Variants in FUBP3 observed in about 807,000 individuals in gnomAD.
FUBP3 encodes the protein far upstream element-binding protein 3.
In FUBP3, 28 loss-of-function variants were observed where a neutral mutation model predicts 85.6. That is an observed-to-expected ratio of 0.33 (90% CI 0.24 to 0.45). FUBP3 has a LOEUF of 0.45. Among genes scored for constraint, FUBP3 ranks in the 20% least tolerant of loss-of-function variants. The pLI is 1.00. For missense variants in FUBP3, 583 were observed against 755.1 expected, an observed-to-expected ratio of 0.77 and a Z score of 2.67; for synonymous variants, 271 against 271.4, an observed-to-expected ratio of 1.00 and a Z score of 0.01.
chr9:130,609,202 G>A (rs1831614699), intron 2 of FUBP3, among the ~76,000 whole-genome samples: 1 of 152,164 alleles, frequency 6.6e-6, no homozygotes, highest in South Asian at 2.1e-4. Flanking sequence ...CTCATCAATA[G>A]CTGAAAGAGG....
chr9:130,613,856 C>T (rs1163391785), intron 5 of FUBP3, among the ~76,000 whole-genome samples: 1 of 152,244 alleles, frequency 6.6e-6, no homozygotes, highest in African/African-American at 2.4e-5. Flanking sequence ...GACATTCATG[C>T]AGTAACTGGT....
intron 2 of FUBP3, among the ~76,000 whole-genome samples, chr9:130,608,816 A>G (rs932695553): frequency 1.3e-5 from 2 of 152,118 alleles, no homozygotes; most frequent in African/African-American, 4.8e-5. Context: ...TTCTTTTTAA[A>G]TGTCACGGTC....
At chr9:130,599,318 TACACATATATAC>T (rs201263723) in intron 2 of FUBP3, among the ~76,000 whole-genome samples, 2,636 of 150,872 alleles carry the variant, frequency 0.017, 69 homozygotes, top group African/African-American at 0.061. Context: ...CATATATAGA[TACACATATATAC>T]ACACATATAT....
At chr9:130,627,159 C>T (rs1039993301) in intron 12 of FUBP3, among the ~76,000 whole-genome samples, 11 of 152,204 alleles carry the variant, frequency 7.2e-5, no homozygotes, top group African/African-American at 2.7e-4. Flanking sequence ...CAGCCATTGG[C>T]AGCAGTTCAT....
At chr9:130,619,165 A>G (rs1055091686) in intron 8 of FUBP3, among the ~76,000 whole-genome samples, 1 of 152,170 alleles carries the variant, frequency 6.6e-6, no homozygotes, top group African/African-American at 2.4e-5. Flanking sequence ...TTCTTTTTCT[A>G]TCACAGCCTT....
At chr9:130,597,162 C>T (rs1830913233) in intron 2 of FUBP3, among the ~76,000 whole-genome samples, 1 of 151,972 alleles carries the variant, frequency 6.6e-6, no homozygotes, top group Non-Finnish European at 1.5e-5. Context: ...TTTTGTCTTT[C>T]TCCGCCTGGC....
chr9:130,606,536 T>C (rs1453125317), intron 2 of FUBP3, among the ~76,000 whole-genome samples: 2 of 152,068 alleles, frequency 1.3e-5, no homozygotes, highest in Non-Finnish European at 1.5e-5. Flanking sequence ...TTAAAGCTGA[T>C]GTGGCCGGGC....
At chr9:130,608,731 T>C (rs1296068905) in intron 2 of FUBP3, among the ~76,000 whole-genome samples, 1 of 152,256 alleles carries the variant, frequency 6.6e-6, no homozygotes, top group Non-Finnish European at 1.5e-5. Context: ...ATCTTGTTAT[T>C]GATCCAGAAG....
In FUBP3 at chr9:130,600,442, G is replaced by A. The variant is rs542951667; in HGVS notation, c.190+4854G>A. Among the ~76,000 whole-genome samples, 27 of 152,246 alleles carry A rather than the reference G, an allele frequency of 1.8e-4. No individual in the cohort carries two copies. The South Asian group carries it at 5.6e-3, about 32-fold the overall frequency. Reference sequence around the variant, plus strand: ...TTCCAAATTTAAGACAATAGTATTAGCTAAGTGATTTAGAAGTGCGAATTT... The same window carrying A: ...TTCCAAATTTAAGACAATAGTATTAACTAAGTGATTTAGAAGTGCGAATTT... On this transcript the variant is annotated intron_variant, in intron 2 of 18. Coordinates refer to ENST00000319725, the MANE Select transcript of FUBP3 (RefSeq NM_003934.2).
intron 1 of FUBP3, among the ~76,000 whole-genome samples, chr9:130,588,981 C>T (rs540771354): frequency 1.3e-5 from 2 of 152,278 alleles, no homozygotes; most frequent in African/African-American, 4.8e-5. Flanking sequence ...GTCCCACACC[C>T]TCGATGCTGG....
intron 2 of FUBP3, among the ~76,000 whole-genome samples, chr9:130,596,200 G>A (rs1367868): frequency 0.49 from 73,912 of 151,980 alleles, 18,317 homozygotes; most frequent in East Asian, 0.67. Context: ...TATCAGATGT[G>A]TTTCTGTAGA....
At position 130,622,752 on chromosome 9, in the gene FUBP3, C is replaced by T. The variant is rs766123843; in HGVS notation, c.816C>T (p.Asn272=). ...CTGTGGGGATTGTAATAGGAAGAAACGGGGAAATGATCAAAAAGATCCAGA... is the reference window on the plus strand; with the variant it reads ...CTGTGGGGATTGTAATAGGAAGAAATGGGGAAATGATCAAAAAGATCCAGA... The part of the protein sequence containing the change: ...RFAVGIVIGR[N]GEMIKKIQND... Residue 272 remains asparagine (N), a synonymous_variant, in exon 10 of 19, where the codon AAC becomes AAT. Coordinates refer to ENST00000319725, the MANE Select transcript of FUBP3 (RefSeq NM_003934.2). 2.6e-5 allele frequency: 42 copies of T among 1,597,864 alleles called. No individual in the cohort carries two copies. The highest frequency in any genetic ancestry group is 1.8e-4 in the East Asian group (8 of 44,238).
At chr9:130,598,772 T>C (rs1281917527) in intron 2 of FUBP3, among the ~76,000 whole-genome samples, 1 of 152,212 alleles carries the variant, frequency 6.6e-6, no homozygotes, top group Non-Finnish European at 1.5e-5. Context: ...ATTTTTACAA[T>C]CAAGTGAGTG....
chr9:130,628,121 C>T (rs1044247834), intron 12 of FUBP3, among the ~76,000 whole-genome samples: 7 of 151,938 alleles, frequency 4.6e-5, no homozygotes, highest in African/African-American at 1.7e-4. Flanking sequence ...CACACACACA[C>T]ACACACCCCC....
intron 12 of FUBP3, among the ~76,000 whole-genome samples, chr9:130,627,402 C>T (rs1048435850): frequency 6.6e-6 from 1 of 152,206 alleles, no homozygotes; most frequent in African/African-American, 2.4e-5. Context: ...TCACCAAATA[C>T]CCCTTAGCTG....
chr9:130,614,323 A>G lies in FUBP3; in HGVS notation c.382A>G (p.Thr128Ala), dbSNP rs774051133. 6.2e-7 allele frequency: 1 copy of G among 1,602,920 alleles called. No individual in the cohort carries two copies. The highest frequency in any genetic ancestry group is 8.5e-7 in the Non-Finnish European group (1 of 1,170,040). Reference protein sequence around the residue: ...SGIPERPCVLTGTPESIEQAK... With the variant: ...SGIPERPCVLAGTPESIEQAK... ...GATTCCAGAGAGGCCCTGTGTACTT[A>G]CCGGAACCCCAGAAAGTATTGAGTA... The change falls in exon 6 of 19, where the codon ACC (threonine) becomes GCC (alanine). Residue 128 changes from threonine (T) to alanine (A), a missense_variant. Physicochemically the swap from Thr to Ala is moderately conservative, Grantham distance 58 (BLOSUM62 0). Coordinates refer to ENST00000319725, the MANE Select transcript of FUBP3 (RefSeq NM_003934.2).
chr9:130,632,533 G>T (rs908624646), intron 16 of FUBP3, among the ~76,000 whole-genome samples: 13 of 152,216 alleles, frequency 8.5e-5, no homozygotes, highest in Non-Finnish European at 1.6e-4. Context: ...CCCTCTCTTG[G>T]CCCACCTGTC....
chr9:130,637,101 G>A lies in FUBP3; in HGVS notation c.*79G>A, dbSNP rs920237036. 9 of 1,147,504 alleles carry A rather than the reference G, an allele frequency of 7.8e-6. No individual in the cohort carries two copies. The highest frequency in any genetic ancestry group is 9.3e-6 in the Non-Finnish European group (7 of 754,952). The allele number at this position is 1,147,504 out of a possible 1,614,324, so 71.1% of individuals were successfully genotyped here. ...ATTTGTAACAGAGGTTTTTACATTTGCAAACCTTTTGATGAAGAACTGTTG... is the reference window on the plus strand; with the variant it reads ...ATTTGTAACAGAGGTTTTTACATTTACAAACCTTTTGATGAAGAACTGTTG... On this transcript the variant is annotated 3_prime_UTR_variant, in exon 19 of 19. Transcript: ENST00000319725.
chr9:130,608,326 G>A (rs973849092), intron 2 of FUBP3, among the ~76,000 whole-genome samples: 1 of 152,158 alleles, frequency 6.6e-6, no homozygotes, highest in Non-Finnish European at 1.5e-5. Flanking sequence ...CACTAAGAGG[G>A]GAATTCTGAT....
Sources: allele counts gnomAD v4.1 joint callset (sites outside exome capture counted in the v4.1 genomes callset), GRCh38; gene constraint gnomAD v4.1.1; transcripts MANE v1.5; gene names NCBI Gene and HGNC (gene_info 2026-07-23, HGNC 2026-07-21).